Variants in SPOCK3 observed in about 807,000 individuals in gnomAD.
SPOCK3 encodes testican-3.
A neutral mutation model predicts 56.6 loss-of-function variants in SPOCK3; 30 were observed. That is an observed-to-expected ratio of 0.53 (90% confidence interval 0.40 to 0.72). The LOEUF (loss-of-function observed/expected upper bound fraction) is 0.72, where lower values mean the gene tolerates loss of function less well. Among genes scored for constraint, SPOCK3 ranks in the 30% least tolerant of loss-of-function variants. The pLI, the probability that SPOCK3 is intolerant of heterozygous loss-of-function variation, is 0.00. For synonymous variants in SPOCK3, 196 were observed against 183.3 expected (o/e 1.07, Z -0.56); for missense variants, 527 against 530.0 (o/e 0.99, Z 0.06).
chr4:167,001,498 T>G (rs10031440), intron 3 of SPOCK3, among the ~76,000 whole-genome samples: 1,785 of 152,342 alleles, frequency 0.012, 38 homozygotes, highest in African/African-American at 0.041. Flanking sequence ...TATGCCATTT[T>G]ACATATATAC....
chr4:166,933,747 A>T (rs1740059203), intron 4 of SPOCK3, among the ~76,000 whole-genome samples: 1 of 152,170 alleles, frequency 6.6e-6, no homozygotes, highest in African/African-American at 2.4e-5. Flanking sequence ...GTCCTTTATA[A>T]TAAATATAAT....
At chr4:167,135,075 A>C (rs1763003166) in intron 2 of SPOCK3, among the ~76,000 whole-genome samples, 1 of 149,834 alleles carries the variant, frequency 6.7e-6, no homozygotes, top group African/African-American at 2.4e-5. Context: ...TATAAATATA[A>C]ATATATATAT....
chr4:166,786,375 T>C (rs1322118852), intron 7 of SPOCK3, among the ~76,000 whole-genome samples: 2 of 152,208 alleles, frequency 1.3e-5, no homozygotes, highest in Non-Finnish European at 2.9e-5. Flanking sequence ...GCAGTCTGGC[T>C]TATGATTAGG....
intron 2 of SPOCK3, among the ~76,000 whole-genome samples, chr4:167,095,216 C>G (rs551329876): frequency 6.6e-6 from 1 of 152,058 alleles, no homozygotes; most frequent in South Asian, 2.1e-4. Context: ...ATCTGGGAAC[C>G]CTCTGGCCTA....
chr4:167,098,648 G>A (rs1040802139), intron 2 of SPOCK3, among the ~76,000 whole-genome samples: 2 of 151,758 alleles, frequency 1.3e-5, no homozygotes, highest in African/African-American at 2.4e-5. Context: ...AAAGTCCAAC[G>A]ATTTTCCAAC....
chr4:167,018,158 T>C (rs35881228), intron 3 of SPOCK3, among the ~76,000 whole-genome samples: 4,053 of 152,254 alleles, frequency 0.027, 84 homozygotes, highest in Middle Eastern at 0.061. Flanking sequence ...AGTACAAGTA[T>C]TAATAAAAAA....
chr4:167,075,098 G>C (rs71620413), intron 2 of SPOCK3, among the ~76,000 whole-genome samples: 3,695 of 151,780 alleles, frequency 0.024, 78 homozygotes, highest in Middle Eastern at 0.061. Context: ...TTCAAATTCA[G>C]TAAACTTTGT....
intron 4 of SPOCK3, among the ~76,000 whole-genome samples, chr4:166,925,519 A>G (rs982892335): frequency 3.3e-5 from 5 of 152,120 alleles, no homozygotes; most frequent in African/African-American, 4.8e-5. Context: ...AATTTGTTAT[A>G]GCATTATGAT....
intron 8 of SPOCK3, among the ~76,000 whole-genome samples, chr4:166,745,753 G>T (rs541047915): frequency 6.6e-6 from 1 of 152,264 alleles, no homozygotes; most frequent in African/African-American, 2.4e-5. Flanking sequence ...CATCTCATGT[G>T]CAGAGACACA....
intron 6 of SPOCK3, among the ~76,000 whole-genome samples, chr4:166,860,915 T>C (rs1045071993): frequency 1.3e-5 from 2 of 149,536 alleles, no homozygotes; most frequent in African/African-American, 5.0e-5. Flanking sequence ...TCTCAGTCTT[T>C]ACTGGGAACA....
At chr4:167,121,047 C>A (rs960234600) in intron 2 of SPOCK3, among the ~76,000 whole-genome samples, 1 of 151,614 alleles carries the variant, frequency 6.6e-6, no homozygotes, top group Non-Finnish European at 1.5e-5. Context: ...TTCTGCAGAC[C>A]CAGAAACCAT....
chr4:166,852,802 A>G (rs780154599), intron 6 of SPOCK3, among the ~76,000 whole-genome samples: 1 of 152,238 alleles, frequency 6.6e-6, no homozygotes, highest in Non-Finnish European at 1.5e-5. Context: ...AAAGAGGTAT[A>G]TACAGGATAT....
At chr4:166,744,640 C>G (rs1025104089) in intron 8 of SPOCK3, among the ~76,000 whole-genome samples, 1 of 152,074 alleles carries the variant, frequency 6.6e-6, no homozygotes. Flanking sequence ...ATGACTTTGA[C>G]GAGTTGACAG....
At chr4:166,899,642 G>A (rs1290241194) in intron 5 of SPOCK3, among the ~76,000 whole-genome samples, 2 of 150,976 alleles carry the variant, frequency 1.3e-5, no homozygotes, top group African/African-American at 4.9e-5. Context: ...TCAGCCTCCT[G>A]AATAGCTGGG....
intron 2 of SPOCK3, among the ~76,000 whole-genome samples, chr4:167,098,328 T>TA (rs1297451269): frequency 6.6e-6 from 1 of 151,986 alleles, no homozygotes; most frequent in African/African-American, 2.4e-5. Context: ...ACTGCAGACT[T>TA]ATAGGGCTTG....
chr4:166,793,336 G>C (rs1741557648), intron 6 of SPOCK3, among the ~76,000 whole-genome samples: 1 of 152,014 alleles, frequency 6.6e-6, no homozygotes, highest in African/African-American at 2.4e-5. Flanking sequence ...CCATTTCCTA[G>C]CTCTAAAGTA....
At chr4:166,841,320 T>C (rs1218129109) in intron 6 of SPOCK3, among the ~76,000 whole-genome samples, 1 of 152,142 alleles carries the variant, frequency 6.6e-6, no homozygotes. Flanking sequence ...GCCATACCAG[T>C]AGGATGTCAC....
At chr4:166,737,729 G>A (rs7675734) in intron 9 of SPOCK3, 125 bp from the exon 10 acceptor site, 963,595 of 999,222 alleles carry the variant, frequency 0.96, 464,766 homozygotes, top group East Asian at 1. Context: ...AGTGTCCACT[G>A]TATTCCAGGA....
intron 10 of SPOCK3, among the ~76,000 whole-genome samples, chr4:166,735,557 A>T (rs1382696461): frequency 6.6e-6 from 1 of 152,074 alleles, no homozygotes; most frequent in African/African-American, 2.4e-5. Context: ...ATCCTGAATT[A>T]CCCAGGTGGA....
Sources: allele counts gnomAD v4.1 joint callset (sites outside exome capture counted in the v4.1 genomes callset), GRCh38; gene constraint gnomAD v4.1.1; transcripts MANE v1.5; gene names NCBI Gene and HGNC (gene_info 2026-07-23, HGNC 2026-07-21).